The following NDC1 variants were observed in gnomAD, a reference collection of about 807,000 sequenced individuals.
NDC1 encodes nucleoporin NDC1.
A neutral mutation model predicts 89.8 loss-of-function variants in NDC1; 24 were observed. The ratio of observed to expected loss-of-function variants is 0.27; its 90% CI spans 0.19 to 0.38. The LOEUF (loss-of-function observed/expected upper bound fraction) is 0.38, where lower values mean the gene tolerates loss of function less well. Ranked by LOEUF, NDC1 falls within the 10% of genes least tolerant of loss-of-function variation. NDC1 has a pLI of 1.00. For synonymous variants in NDC1, 296 were observed against 284.8 expected (o/e 1.04, Z -0.39); for missense variants, 728 against 797.6 (o/e 0.91, Z 1.05).
intron 4 of NDC1, among the ~76,000 whole-genome samples, chr1:53,826,317 C>T (rs7536551): frequency 1.1e-3 from 163 of 152,320 alleles, no homozygotes; most frequent in African/African-American, 3.8e-3. Flanking sequence ...TATTCCCTCA[C>T]GGGGATCCTG....
At chr1:53,808,872 T>C (rs984656351) in intron 7 of NDC1, among the ~76,000 whole-genome samples, 1 of 152,226 alleles carries the variant, frequency 6.6e-6, no homozygotes, top group African/African-American at 2.4e-5. Context: ...TTAAATACCA[T>C]GTATGTCAAT....
At chr1:53,805,119 TTTC>T (rs1187357493) in intron 9 of NDC1, among the ~76,000 whole-genome samples, 7 of 152,206 alleles carry the variant, frequency 4.6e-5, no homozygotes, top group African/African-American at 1.4e-4. Context: ...TTCTATTTAT[TTTC>T]TTATTTGTTT....
intron 6 of NDC1, among the ~76,000 whole-genome samples, chr1:53,815,808 G>A (rs1238226947): frequency 6.6e-6 from 1 of 152,128 alleles, no homozygotes; most frequent in African/African-American, 2.4e-5. Flanking sequence ...TACACCAACA[G>A]TGACCAAGTG....
At chr1:53,793,207 C>T (rs2273139) in intron 14 of NDC1, 22 bp downstream of exon 14, 202,055 of 1,575,674 alleles carry the variant, frequency 0.13, 14,108 homozygotes, top group Middle Eastern at 0.17. Flanking sequence ...CCATTCCCAA[C>T]GCTATAACCA....
intron 7 of NDC1, among the ~76,000 whole-genome samples, chr1:53,808,857 A>C (rs1025930752): frequency 6.6e-6 from 1 of 152,228 alleles, no homozygotes; most frequent in African/African-American, 2.4e-5. Flanking sequence ...AAACCATAAT[A>C]TCTCTTAAAT....
intron 16 of NDC1, among the ~76,000 whole-genome samples, chr1:53,781,916 C>A (rs1045180236): frequency 1.3e-5 from 2 of 152,182 alleles, no homozygotes; most frequent in Admixed American, 6.5e-5. Context: ...TGATGCAATC[C>A]AGCAGCCATC....
intron 6 of NDC1, among the ~76,000 whole-genome samples, chr1:53,816,478 C>T (rs538060057): frequency 6.6e-6 from 1 of 151,928 alleles, no homozygotes; most frequent in African/African-American, 2.4e-5. Context: ...AAACCTAAGA[C>T]CTGAAACCAT....
At position 53,819,095 on chromosome 1, in the gene NDC1, A is replaced by G. The variant is rs781458117; in HGVS notation, c.595-16T>C. On this transcript the variant is annotated splice_polypyrimidine_tract_variant and intron_variant, in intron 5 of 17. Transcript: ENST00000371429. ...ACTTGTATTGCTGTGGGGAAAAAAA[A>G]AAGAATCAAATGACACATTCAAATC... is the stretch of plus-strand genomic sequence containing the variant. The G allele has an allele frequency of 3.1e-6, 4 of 1,272,352 alleles. No individual in the cohort carries two copies. In the Admixed American group the frequency reaches 8.0e-5, roughly 25 times the overall value. The allele number at this position is 1,272,352 out of a possible 1,614,324, so 78.8% of individuals were successfully genotyped here.
chr1:53,772,114 C>T (rs1647118460), intron 17 of NDC1, among the ~76,000 whole-genome samples: 2 of 152,024 alleles, frequency 1.3e-5, no homozygotes, highest in East Asian at 3.9e-4. Flanking sequence ...TTTCTGTCTT[C>T]TTTTGTCCAT....
At chr1:53,798,752 G>A (rs540317061) in intron 11 of NDC1, among the ~76,000 whole-genome samples, 10 of 151,744 alleles carry the variant, frequency 6.6e-5, no homozygotes, top group East Asian at 3.9e-4. Flanking sequence ...ACGGCGTTTC[G>A]CCATATTGGC....
At position 53,769,622 on chromosome 1, in the gene NDC1, G is replaced by C. The variant is rs149070786; in HGVS notation, c.1962-1589C>G. 5.1e-3 allele frequency among the ~76,000 whole-genome samples: 775 copies of C among 152,318 alleles called. 1 individual carries two copies. Among genetic ancestry groups the C allele is most frequent in the Admixed American group, 8.7e-3 (133 of 15,302 alleles). ...TTGTTAGTTGATTTTCAGAGCTCAA[G>C]AGCTAACTTCATTTATACCTAGTTC... On this transcript the variant is annotated intron_variant, in intron 17 of 17. Coordinates refer to ENST00000371429, the MANE Select transcript of NDC1 (RefSeq NM_018087.5).
At chr1:53,787,401 C>T in intron 15 of NDC1, 143 bp from the exon 16 acceptor site, 1 of 545,780 alleles carries the variant, frequency 1.8e-6, no homozygotes, top group South Asian at 2.4e-5. Context: ...GTAATCCTAG[C>T]ACTCTGGGAG....
rs1385391329 is a variant in NDC1, at chr1:53,766,712, TACC to T, written c.*1255_*1257del. On this transcript the variant is annotated 3_prime_UTR_variant, in exon 18 of 18. Transcript: ENST00000371429. ...ATCAGACAAAAGTAGACATATATGATACCACATTAAAGATTCATATACAGTACT... is the reference window on the plus strand; with the variant it reads ...ATCAGACAAAAGTAGACATATATGATACATTAAAGATTCATATACAGTACT... The T allele has an allele frequency of 6.6e-6, 1 of 152,136 alleles. No homozygotes were observed. The highest frequency in any genetic ancestry group is 1.5e-5 in the Non-Finnish European group (1 of 68,020). 9.4% of individuals were successfully genotyped at this position (152,136 alleles called of 1,614,324 possible). A position where few individuals can be genotyped will look rare whatever the true frequency, so the allele number is the denominator to read the frequency against.
chr1:53,828,606 T>A (rs1326078926), intron 3 of NDC1, among the ~76,000 whole-genome samples: 2 of 151,598 alleles, frequency 1.3e-5, no homozygotes, highest in Non-Finnish European at 2.9e-5. Flanking sequence ...TTTATTTTAT[T>A]TTATTTTATT....
intron 9 of NDC1, 50 bp downstream of exon 9, chr1:53,806,375 G>C: frequency 8.2e-7 from 1 of 1,221,990 alleles, no homozygotes; most frequent in Non-Finnish European, 1.1e-6. Context: ...TAAGTGTATT[G>C]AATAAAGTTA....
chr1:53,825,453 C>CAAAAAAAAAAAAAA lies in NDC1; in HGVS notation c.594+344_594+345insTTTTTTTTTTTTTT, dbSNP rs369960654. On this transcript the variant is annotated intron_variant, in intron 5 of 17. Coordinates refer to ENST00000371429, the MANE Select transcript of NDC1 (RefSeq NM_018087.5). ...CTGGGCAAAGAAGCGAGACTGTCTCCAAAAAAAAAGAAGCTACACAGAGTA... is the reference window on the plus strand; with the variant it reads ...CTGGGCAAAGAAGCGAGACTGTCTCCAAAAAAAAAAAAAAAAAAAAAAAGAAGCTACACAGAGTA... 5.2e-4 allele frequency among the ~76,000 whole-genome samples: 65 copies of CAAAAAAAAAAAAAA among 125,824 alleles called. 1 individual carries two copies. The highest frequency in any genetic ancestry group is 1.9e-3 in the African/African-American group (56 of 29,156). The allele number at this position is 125,824 out of a possible 152,430, so 82.5% of individuals were successfully genotyped here. A position where few individuals can be genotyped will look rare whatever the true frequency, so the allele number is the denominator to read the frequency against.
intron 2 of NDC1, among the ~76,000 whole-genome samples, chr1:53,833,021 G>T (rs557284417): frequency 6.6e-6 from 1 of 151,824 alleles, no homozygotes; most frequent in East Asian, 1.9e-4. Flanking sequence ...CAAAAACAAA[G>T]GGGGGGAGAA....
chr1:53,801,763 T>C lies in NDC1; in HGVS notation c.1067-915A>G, dbSNP rs549132773. 1.2e-4 allele frequency among the ~76,000 whole-genome samples: 18 copies of C among 152,304 alleles called. 1 individual carries two copies. In the South Asian group the frequency reaches 3.5e-3, roughly 30 times the overall value. On this transcript the variant is annotated intron_variant, in intron 10 of 17. Coordinates refer to ENST00000371429, the MANE Select transcript of NDC1 (RefSeq NM_018087.5). Reference sequence around the variant, plus strand: ...ACTGTGTAACCATCCAATTAAATTTTTGTTTGTTTTTGTGATGGAATCTTG... The same window carrying C: ...ACTGTGTAACCATCCAATTAAATTTCTGTTTGTTTTTGTGATGGAATCTTG...
chr1:53,808,576 T>A (rs977479253), intron 7 of NDC1, among the ~76,000 whole-genome samples: 4 of 152,244 alleles, frequency 2.6e-5, no homozygotes, highest in African/African-American at 9.6e-5. Context: ...GAAGTTATTT[T>A]TAACTTCTAA....
Sources: gnomAD v4.1 joint callset for allele counts (sites outside exome capture counted in the v4.1 genomes callset) on GRCh38, gnomAD v4.1.1 for gene constraint, MANE v1.5 for transcripts, NCBI Gene and HGNC (gene_info 2026-07-23, HGNC 2026-07-21) for gene names.